The following AGBL4 variants were observed in gnomAD, a reference collection of about 807,000 sequenced individuals.
AGBL4 encodes the protein cytosolic carboxypeptidase 6.
In AGBL4, 58 loss-of-function variants were observed where a neutral mutation model predicts 66.4. That is an observed-to-expected ratio of 0.87 (90% CI 0.71 to 1.09). AGBL4 has a LOEUF of 1.09. AGBL4 is among the 50% of genes least tolerant of loss of function. The pLI, the probability that AGBL4 is intolerant of heterozygous loss-of-function variation, is 0.00. For missense variants in AGBL4, 579 were observed against 631.0 expected (o/e 0.92, Z 0.88); for synonymous variants, 234 against 222.9 (o/e 1.05, Z -0.44).
At chr1:49,830,889 C>G (rs936166443) in intron 2 of AGBL4, among the ~76,000 whole-genome samples, 7 of 152,114 alleles carry the variant, frequency 4.6e-5, no homozygotes, top group African/African-American at 1.7e-4. Flanking sequence ...GCTTGTTTTT[C>G]TCAGGTTTGT....
chr1:48,987,855 A>G (rs1660297519), intron 5 of AGBL4, among the ~76,000 whole-genome samples: 1 of 152,118 alleles, frequency 6.6e-6, no homozygotes, highest in Non-Finnish European at 1.5e-5. Context: ...ATACAAGATA[A>G]AACTCTATCC....
chr1:48,610,271 A>T (rs141133528), intron 9 of AGBL4, among the ~76,000 whole-genome samples: 266 of 152,272 alleles, frequency 1.7e-3, no homozygotes, highest in African/African-American at 6.1e-3. Context: ...CTAACTCTGC[A>T]TCCCCAGTGC....
intron 4 of AGBL4, among the ~76,000 whole-genome samples, chr1:49,125,353 T>C (rs1047874001): frequency 2.0e-5 from 3 of 152,128 alleles, no homozygotes; most frequent in East Asian, 1.9e-4. Flanking sequence ...GGCGAAATGG[T>C]ATTAAGAATG....
intron 3 of AGBL4, among the ~76,000 whole-genome samples, chr1:49,690,146 AGTGTTTCTCAATTAAGGTATAC>A (rs1181904619): frequency 6.6e-6 from 1 of 152,172 alleles, no homozygotes; most frequent in African/African-American, 2.4e-5. Flanking sequence ...TTTGCAATAA[AGTGTTTCTCAATTAAGGTATAC>A]ACATTGATTT....
intron 3 of AGBL4, among the ~76,000 whole-genome samples, chr1:49,620,007 C>T (rs1645327344): frequency 6.6e-6 from 1 of 152,052 alleles, no homozygotes; most frequent in Admixed American, 6.6e-5. Flanking sequence ...AGACCTAAAA[C>T]CATAAAAACC....
intron 3 of AGBL4, among the ~76,000 whole-genome samples, chr1:49,416,999 T>C (rs1315021805): frequency 6.6e-6 from 1 of 152,116 alleles, no homozygotes; most frequent in Non-Finnish European, 1.5e-5. Context: ...CTAAGAGATT[T>C]AACCTAATAG....
intron 6 of AGBL4, among the ~76,000 whole-genome samples, chr1:48,673,373 C>T (rs1646308428): frequency 1.3e-5 from 2 of 152,104 alleles, no homozygotes; most frequent in African/African-American, 2.4e-5. Flanking sequence ...GTGATCCTGA[C>T]CCTGAGTGGA....
At chr1:48,692,716 T>G (rs929949321) in intron 6 of AGBL4, among the ~76,000 whole-genome samples, 5 of 152,178 alleles carry the variant, frequency 3.3e-5, no homozygotes, top group African/African-American at 1.2e-4. Flanking sequence ...TTGTGTTTGT[T>G]GTAGAGCTTG....
At chr1:49,678,165 T>C (rs1377356130) in intron 3 of AGBL4, among the ~76,000 whole-genome samples, 2 of 152,208 alleles carry the variant, frequency 1.3e-5, no homozygotes, top group Non-Finnish European at 2.9e-5. Flanking sequence ...TCAAATTATA[T>C]ATTTCATGTT....
At chr1:49,003,277 A>G (rs2148993495) in intron 5 of AGBL4, among the ~76,000 whole-genome samples, 1 of 152,206 alleles carries the variant, frequency 6.6e-6, no homozygotes, top group South Asian at 2.1e-4. Flanking sequence ...ACATGCCTGT[A>G]ATCCTAGCTA....
intron 6 of AGBL4, among the ~76,000 whole-genome samples, chr1:48,780,032 A>G (rs1645254106): frequency 6.6e-6 from 1 of 151,674 alleles, no homozygotes; most frequent in Non-Finnish European, 1.5e-5. Context: ...TATTAATATT[A>G]TTATTATTAT....
rs191716538 is a variant in AGBL4, at chr1:49,790,183, C to T, written c.157+61213G>A. On this transcript the variant is annotated intron_variant, in intron 2 of 13. Coordinates refer to ENST00000371839, the MANE Select transcript of AGBL4 (RefSeq NM_032785.4). ...CACAAGGTCAAGAGTTCAAGACCAG[C>T]CTGCCCTCACCCCCTACTAAAAATA... Among the ~76,000 whole-genome samples the T allele has an allele frequency of 2.4e-3, 368 of 152,030 alleles. 3 individuals carry two copies. The highest frequency in any genetic ancestry group is 8.5e-3 in the African/African-American group (353 of 41,492).
intron 11 of AGBL4, among the ~76,000 whole-genome samples, chr1:48,557,045 C>T (rs1276364433): frequency 2.0e-5 from 3 of 152,120 alleles, no homozygotes; most frequent in Non-Finnish European, 4.4e-5. Flanking sequence ...CTACCTCGGC[C>T]TTTCAAACTG....
At chr1:49,873,864 A>AT (rs1051206627) in intron 1 of AGBL4, among the ~76,000 whole-genome samples, 6 of 152,128 alleles carry the variant, frequency 3.9e-5, no homozygotes, top group African/African-American at 9.6e-5. Context: ...TACCAGCAAG[A>AT]TTTTTTTTGT....
intron 2 of AGBL4, among the ~76,000 whole-genome samples, chr1:49,764,480 A>G (rs1652588082): frequency 6.6e-6 from 1 of 151,950 alleles, no homozygotes. Flanking sequence ...GAACAAGGCC[A>G]CCCTCCTGAT....
intron 5 of AGBL4, among the ~76,000 whole-genome samples, chr1:49,003,663 C>G (rs1408246281): frequency 6.6e-6 from 1 of 152,092 alleles, no homozygotes; most frequent in Non-Finnish European, 1.5e-5. Context: ...CCTTTCCTCA[C>G]AGTTACTCGT....
At chr1:49,860,336 T>C (rs1646537114) in intron 1 of AGBL4, among the ~76,000 whole-genome samples, 2 of 152,234 alleles carry the variant, frequency 1.3e-5, no homozygotes, top group African/African-American at 2.4e-5. Context: ...ACATGGTCAA[T>C]TGATTTTCAA....
At chr1:49,041,134 T>A (rs996881193) in intron 5 of AGBL4, among the ~76,000 whole-genome samples, 5 of 152,098 alleles carry the variant, frequency 3.3e-5, no homozygotes, top group Non-Finnish European at 5.9e-5. Flanking sequence ...TGATTGATAG[T>A]TCTAGCACTA....
At chr1:49,836,097 T>C (rs1466862701) in intron 2 of AGBL4, among the ~76,000 whole-genome samples, 1 of 152,180 alleles carries the variant, frequency 6.6e-6, no homozygotes, top group African/African-American at 2.4e-5. Context: ...TGGTGTTCTC[T>C]GTATTTCCTA....
Sources: gnomAD v4.1 joint callset for allele counts (sites outside exome capture counted in the v4.1 genomes callset) on GRCh38, gnomAD v4.1.1 for gene constraint, MANE v1.5 for transcripts, NCBI Gene and HGNC (gene_info 2026-07-23, HGNC 2026-07-21) for gene names.